Variants in PTGER3 observed in about 807,000 individuals in gnomAD.
PTGER3 encodes the protein prostaglandin E receptor 3.
In PTGER3, 22 loss-of-function variants were observed where a neutral mutation model predicts 34.7. The ratio of observed to expected loss-of-function variants is 0.63; its 90% confidence interval spans 0.45 to 0.91. PTGER3 has a LOEUF of 0.91. PTGER3 is among the 40% of genes least tolerant of loss of function. The probability of loss-of-function intolerance (pLI) is 0.00; values close to 1 mark genes in which losing one functional copy is unlikely to be tolerated. For missense variants in PTGER3, 468 were observed against 519.4 expected, an observed-to-expected ratio of 0.90 and a Z score of 0.96; for synonymous variants, 241 against 230.1, an observed-to-expected ratio of 1.05 and a Z score of -0.43.
chr1:70,852,994 A>G (rs1645716141), intron 4 of PTGER3: 2 of 936,836 alleles, frequency 2.1e-6, no homozygotes, highest in Non-Finnish European at 3.4e-6. Flanking sequence ...CAGCAGTATA[A>G]CAAGAACAAG....
rs1648764007 is a variant in PTGER3, at chr1:70,932,122, G to GA, written c.*23+21640dup. On this transcript the variant is annotated intron_variant, in intron 4 of 4. Coordinates refer to the PTGER3 transcript ENST00000370931. ...AGTTCCACAAATCTCTAGGGCAGGG[G>GA]AAAAATCCCACCAGTTTCTTTGCTA... is the stretch of plus-strand genomic sequence containing the variant. 2.0e-5 allele frequency among the ~76,000 whole-genome samples: 3 copies of GA among 152,090 alleles called. 1 individual carries two copies. Among genetic ancestry groups the GA allele is most frequent in the South Asian group, 4.1e-4 (2 of 4,824 alleles).
intron 1 of PTGER3, among the ~76,000 whole-genome samples, chr1:71,016,618 C>T (rs1257604644): frequency 1.3e-5 from 2 of 151,996 alleles, no homozygotes; most frequent in African/African-American, 4.8e-5. Flanking sequence ...GCCTGGGCAA[C>T]ATGGTGAAAC....
Position 71,046,904 on chromosome 1 carries a change from C to G in PTGER3, c.674G>C (p.Trp225Ser), listed in dbSNP as rs1225599055. 6.2e-7 allele frequency: 1 copy of G among 1,612,204 alleles called. No homozygotes were observed. The highest frequency in any genetic ancestry group is 1.7e-5 in the Admixed American group (1 of 59,870). The change falls in exon 1 of 4, where the codon TGG (tryptophan) becomes TCG (serine). Residue 225 changes from tryptophan (W) to serine (S), a missense_variant. Physicochemically the swap from Trp to Ser is radical, Grantham distance 177. Transcript: ENST00000306666. ...GGNGTSSSHN[W>S]GNLFFASAFA... ...GGCAGAGGCGAAGAAAAGGTTGCCC[C>G]AGTTATGCGAAGAGCTAGTCCCGTT...
rs142333668 is a variant in PTGER3, at chr1:71,006,090, A to G, written c.1077+6215T>C. The G allele has an allele frequency of 8.5e-5, 73 of 862,698 alleles. No individual in the cohort carries two copies. The East Asian group carries it at 6.9e-3, about 82-fold the overall frequency. The allele number at this position is 862,698 out of a possible 1,614,324, so 53.4% of individuals were successfully genotyped here. ...AACTGTAGTCATCCTACAGGAGTAT[A>G]GAACACTGGAACTTATTTCTGTTAT... On this transcript the variant is annotated intron_variant, in intron 2 of 3. Transcript: ENST00000306666.
At chr1:71,014,254 C>T (rs1435029694) in intron 1 of PTGER3, among the ~76,000 whole-genome samples, 3 of 152,250 alleles carry the variant, frequency 2.0e-5, no homozygotes, top group East Asian at 3.9e-4. Context: ...CATCCCTGAG[C>T]ATCCAAAACA....
At chr1:71,009,136 A>C (rs961521218) in intron 2 of PTGER3, 2 of 985,024 alleles carry the variant, frequency 2.0e-6, no homozygotes, top group African/African-American at 3.5e-5. Context: ...TAAAAAGCCT[A>C]ATCTACTTGA....
chr1:70,852,487 C>A (rs971427358), exon 5 of PTGER3: 3 of 319,706 alleles, frequency 9.4e-6, no homozygotes, highest in Non-Finnish European at 1.7e-5. Flanking sequence ...TACTCTATAG[C>A]GGTTAAAATT....
intron 1 of PTGER3, among the ~76,000 whole-genome samples, chr1:71,022,574 C>G (rs1401467198): frequency 6.6e-6 from 1 of 151,854 alleles, no homozygotes; most frequent in Admixed American, 6.6e-5. Context: ...CTTCATCTCA[C>G]AGGAGAATCC....
chr1:71,014,209 C>T lies in PTGER3; in HGVS notation c.898-1725G>A, dbSNP rs1572933465. On this transcript the variant is annotated intron_variant, in intron 1 of 3. Coordinates refer to ENST00000306666, the MANE Select transcript of PTGER3 (RefSeq NM_198719.2). ...TGAGGCTTACACTTATCTGTATGTT[C>T]TGCCCTCAGGTCACATAACTTAAAT... 2.6e-5 allele frequency among the ~76,000 whole-genome samples: 4 copies of T among 151,988 alleles called. No homozygotes were observed. The East Asian group carries it at 7.8e-4, about 29-fold the overall frequency.
Position 70,953,804 on chromosome 1 carries a change from T to C in PTGER3, c.1078-15A>G, listed in dbSNP as rs149705294. ...CTTTTTCTCATCTGAAAAAGAGTAA[T>C]AACAGTATAAGCTTGCTATAATTTA... On this transcript the variant is annotated splice_polypyrimidine_tract_variant and intron_variant, in intron 2 of 3. Coordinates refer to the PTGER3 transcript ENST00000356595. The C allele has an allele frequency of 2.3e-4, 294 of 1,276,444 alleles. 3 individuals are homozygous for C. The East Asian group carries it at 6.3e-3, about 27-fold the overall frequency. The allele number at this position is 1,276,444 out of a possible 1,614,324, so 79.1% of individuals were successfully genotyped here.
chr1:71,030,457 A>G (rs1659309864), intron 1 of PTGER3, among the ~76,000 whole-genome samples: 1 of 152,236 alleles, frequency 6.6e-6, no homozygotes, highest in African/African-American at 2.4e-5. Context: ...AAAGAATTCA[A>G]TATACAGTTT....
At chr1:70,985,944 T>A (rs898931246) in intron 2 of PTGER3, among the ~76,000 whole-genome samples, 7 of 152,158 alleles carry the variant, frequency 4.6e-5, no homozygotes, top group South Asian at 4.1e-4. Context: ...CATTCCCAGA[T>A]GGTTAGGCAT....
intron 2 of PTGER3, among the ~76,000 whole-genome samples, chr1:70,958,513 T>A (rs547790784): frequency 8.5e-5 from 13 of 152,308 alleles, no homozygotes; most frequent in African/African-American, 3.1e-4. Flanking sequence ...CTTTTGCCAT[T>A]TTTTATCTGA....
At chr1:70,969,604 G>A (rs1051254675), downstream of PTGER3, among the ~76,000 whole-genome samples, 1 of 152,048 alleles carries the variant, frequency 6.6e-6, no homozygotes, top group African/African-American at 2.4e-5. Context: ...ACAGAGGTAA[G>A]GAAAAAACAA....
At chr1:70,910,688 C>A (rs1429216068) in intron 4 of PTGER3, among the ~76,000 whole-genome samples, 1 of 148,588 alleles carries the variant, frequency 6.7e-6, no homozygotes, top group African/African-American at 2.4e-5. Context: ...ATCCTTTCTG[C>A]TGAAGACGCT....
intron 4 of PTGER3, among the ~76,000 whole-genome samples, chr1:70,880,691 A>G (rs1245547783): frequency 6.7e-6 from 1 of 150,364 alleles, no homozygotes; most frequent in Non-Finnish European, 1.5e-5. Flanking sequence ...CTCTGTCAAA[A>G]AAAAAAGAAA....
chr1:70,857,017 A>C (rs1645821409), intron 4 of PTGER3, among the ~76,000 whole-genome samples: 1 of 152,230 alleles, frequency 6.6e-6, no homozygotes. Flanking sequence ...ACCCATTTAT[A>C]ATATAGTTCT....
Position 71,007,364 on chromosome 1 carries a change from T to C in PTGER3, c.1077+4941A>G, listed in dbSNP as rs1657063382. On this transcript the variant is annotated intron_variant, in intron 2 of 3. Coordinates refer to ENST00000306666, the MANE Select transcript of PTGER3 (RefSeq NM_198719.2). ...AGAGCAAGAAGGCAAAGTATTTTTT[T>C]CTCTTTCAAGGAAGAGTTGGGAAGG... is the stretch of plus-strand genomic sequence containing the variant. The C allele has an allele frequency of 2.2e-5, 22 of 985,656 alleles. No individual in the cohort carries two copies. In the South Asian group the frequency reaches 9.4e-4, roughly 42 times the overall value. 61.1% of individuals were successfully genotyped at this position (985,656 alleles called of 1,614,324 possible). A position where few individuals can be genotyped will look rare whatever the true frequency, so the allele number is the denominator to read the frequency against.
chr1:70,876,563 A>G lies in PTGER3; in HGVS notation c.*24-23704T>C, dbSNP rs113621448. Among the ~76,000 whole-genome samples the G allele has an allele frequency of 7.6e-3, 1,158 of 152,074 alleles. 17 individuals carry two copies. Among genetic ancestry groups the G allele is most frequent in the African/African-American group, 0.027 (1,118 of 41,522 alleles). ...TGTCCAGAATGATGTTTCCTAGGTT[A>G]TCTTCCAGGGTTTTCATGTTGTGGG... On this transcript the variant is annotated intron_variant, in intron 4 of 4. Coordinates refer to the PTGER3 transcript ENST00000370931.
Sources: allele counts gnomAD v4.1 joint callset (sites outside exome capture counted in the v4.1 genomes callset), GRCh38; gene constraint gnomAD v4.1.1; transcripts MANE v1.5; gene names NCBI Gene and HGNC (gene_info 2026-07-23, HGNC 2026-07-21).